Variants in AGBL2 observed in about 807,000 individuals in gnomAD.
The protein encoded by AGBL2 is AGBL carboxypeptidase 2, also known as cytosolic carboxypeptidase 2.
Under a neutral mutation model 103.0 loss-of-function variants are expected in AGBL2, and 87 were observed. The ratio of observed to expected loss-of-function variants is 0.84; its 90% CI spans 0.71 to 1.01. AGBL2 has a LOEUF of 1.01. AGBL2 is among the 50% of genes least tolerant of loss of function. AGBL2 has a pLI of 0.00. For missense variants in AGBL2, 904 were observed against 1,023.5 expected (o/e 0.88, Z 1.59); for synonymous variants, 335 against 356.7 (o/e 0.94, Z 0.69).
At chr11:47,660,438 G>T in intron 18 of AGBL2, 92 bp from the exon 19 acceptor site, 2 of 1,177,224 alleles carry the variant, frequency 1.7e-6, no homozygotes, top group Non-Finnish European at 2.4e-6. Flanking sequence ...ACAAGGAGCT[G>T]GTGAGAAATA....
At position 47,682,049 on chromosome 11, in the gene AGBL2, C is replaced by T. The variant is rs1231775325; in HGVS notation, c.1835G>A (p.Gly612Glu). 6.2e-7 allele frequency: 1 copy of T among 1,614,006 alleles called. No homozygotes were observed. Among genetic ancestry groups the T allele is most frequent in the African/African-American group, 1.3e-5 (1 of 74,926 alleles). Reference sequence around the variant, plus strand: ...CCGCCACATAACAACTCGTCCTGTTCCTTCTTTGCATTTTTGGACCTTAAA... The same window carrying T: ...CCGCCACATAACAACTCGTCCTGTTTCTTCTTTGCATTTTTGGACCTTAAA... ...CNFKVQKCKE[G>E]TGRVVMWRMG... Residue 612 changes from glycine (G) to glutamate (E), a missense_variant, in exon 12 of 19, where the codon GGA becomes GAA. Gly to Glu is a moderately conservative substitution (Grantham distance 98). Transcript: ENST00000525123.
chr11:47,701,878 G>A (rs2097500424), intron 7 of AGBL2, among the ~76,000 whole-genome samples: 1 of 151,628 alleles, frequency 6.6e-6, no homozygotes, highest in Non-Finnish European at 1.5e-5. Context: ...GGAGGCTGTG[G>A]CAGAGAAGCA....
At chr11:47,675,199 CTTTTTTTTTTTTTTT>C (rs34012734) in intron 14 of AGBL2, among the ~76,000 whole-genome samples, 1 of 58,202 alleles carries the variant, frequency 1.7e-5, no homozygotes, top group East Asian at 4.8e-4. Flanking sequence ...TCCCACCAGT[CTTTTTTTTTTTTTTT>C]TTTTTTTTTT....
chr11:47,690,483 C>A lies in AGBL2; in HGVS notation c.1224G>T (p.Leu408=). The A allele has an allele frequency of 6.2e-7, 1 of 1,614,102 alleles. No homozygotes were observed. Among genetic ancestry groups the A allele is most frequent in the Non-Finnish European group, 8.5e-7 (1 of 1,180,022 alleles). Residue 408 remains leucine, a synonymous_variant, in exon 10 of 19, where the codon CTG becomes CTT. Transcript: ENST00000525123. ...ACTGGATAGGGTTGTTTGCCACTGACAGGAGGTAGCATTGCAAATCAGTGT... is the reference window on the plus strand; with the variant it reads ...ACTGGATAGGGTTGTTTGCCACTGAAAGGAGGTAGCATTGCAAATCAGTGT... ...YTYTDLQCYL[L]SVANNPIQSQ... is the part of the protein sequence containing the mutation.
At chr11:47,693,166 T>C (rs549755460) in intron 8 of AGBL2, among the ~76,000 whole-genome samples, 71 of 151,690 alleles carry the variant, frequency 4.7e-4, no homozygotes, top group Admixed American at 2.1e-3. Flanking sequence ...CTCCCTCCCT[T>C]CCTTCCTTCC....
rs769911201 is a variant in AGBL2, at chr11:47,704,587, C to CAT, written c.540_541dup (p.Trp181TyrfsTer39). ...CTTGATGACCTCACATTCAATTGGC[C>CAT]ATCTTGGAGCCTGCAGTGGCCTCTT... On this transcript the variant is annotated frameshift_variant, in exon 7 of 19. Transcript: ENST00000525123. LOFTEE classifies it high-confidence loss of function. The CAT allele has an allele frequency of 6.2e-7, 1 of 1,613,854 alleles. No individual in the cohort carries two copies. The highest frequency in any genetic ancestry group is 2.2e-5 in the East Asian group (1 of 44,876).
chr11:47,694,262 T>C (rs2153804505), intron 8 of AGBL2, among the ~76,000 whole-genome samples: 1 of 150,318 alleles, frequency 6.7e-6, no homozygotes, highest in African/African-American at 2.4e-5. Flanking sequence ...TTTCCTAGTC[T>C]GGGCAGACTG....
chr11:47,672,320 A>AT (rs2097359967), intron 14 of AGBL2, among the ~76,000 whole-genome samples: 2 of 124,470 alleles, frequency 1.6e-5, no homozygotes, highest in African/African-American at 2.6e-5. Flanking sequence ...TGCAGAGCAC[A>AT]CTTTTTTTTT....
Position 47,695,944 on chromosome 11 carries a change from CACTTGAGGCCAGAA to C in AGBL2, c.694+3488_694+3501del, listed in dbSNP as rs1053745299. On this transcript the variant is annotated intron_variant, in intron 8 of 18. Transcript: ENST00000525123. ...CTGTGGGAGGCGGAGGCAGGTGGAT[CACTTGAGGCCAGAA>C]GTTTGAGACCAGCCTGGCCAATATG... Among the ~76,000 whole-genome samples the C allele has an allele frequency of 5.7e-4, 76 of 133,906 alleles. 1 individual carries two copies. Among genetic ancestry groups the C allele is most frequent in the African/African-American group, 2.1e-3 (75 of 35,642 alleles). The allele number at this position is 133,906 out of a possible 152,430, so 87.8% of individuals were successfully genotyped here.
At chr11:47,671,281 G>A (rs577987667) in intron 14 of AGBL2, among the ~76,000 whole-genome samples, 8 of 152,196 alleles carry the variant, frequency 5.3e-5, no homozygotes, top group South Asian at 4.1e-4. Context: ...TTGGGAGGCC[G>A]AGATGGGCAG....
rs530217579 is a variant in AGBL2 at position 47,706,331 on chromosome 11, A to G, written c.233-414T>C. ...GGAGATCGAGACCATCCTGGCTAAC[A>G]TGGTGAAATCCTGTCTCTACTAAAA... is the stretch of plus-strand genomic sequence containing the variant. On this transcript the variant is annotated intron_variant, in intron 4 of 18. Transcript: ENST00000525123. Among the ~76,000 whole-genome samples, 20 of 152,110 alleles carry G rather than the reference A, an allele frequency of 1.3e-4. No homozygotes were observed. The South Asian group carries it at 4.1e-3, about 32-fold the overall frequency.
intron 13 of AGBL2, among the ~76,000 whole-genome samples, chr11:47,679,058 C>CAAAAAAAAAAAAAAAA (rs56307962): frequency 3.5e-5 from 1 of 28,194 alleles, no homozygotes; most frequent in Non-Finnish European, 5.3e-5. Context: ...GACCCTGTCT[C>CAAAAAAAAAAAAAAAA]AAAAAAAAAA....
At chr11:47,684,885 T>C (rs2097417807) in intron 11 of AGBL2, among the ~76,000 whole-genome samples, 1 of 152,106 alleles carries the variant, frequency 6.6e-6, no homozygotes, top group African/African-American at 2.4e-5. Flanking sequence ...CACCACAGGA[T>C]AGGTGATAGA....
chr11:47,682,777 T>C (rs1321786710), intron 11 of AGBL2, among the ~76,000 whole-genome samples: 1 of 152,194 alleles, frequency 6.6e-6, no homozygotes, highest in Non-Finnish European at 1.5e-5. Flanking sequence ...AAAAAGATTT[T>C]GCAGTTGGAA....
intron 13 of AGBL2, among the ~76,000 whole-genome samples, chr11:47,678,343 A>ATTTTATTATTATTTTTTTTTTTTTTT: frequency 8.6e-6 from 1 of 116,872 alleles, no homozygotes; most frequent in Admixed American, 9.1e-5. Flanking sequence ...TTATTATTTT[A>ATTTTATTATTATTTTTTTTTTTTTTT]TTTTTTTTGA....
At chr11:47,667,195 C>T (rs1475481973) in intron 16 of AGBL2, 132 bp from the exon 17 acceptor site, 1 of 661,116 alleles carries the variant, frequency 1.5e-6, no homozygotes, top group African/African-American at 1.8e-5. Context: ...GGGAGTGTGG[C>T]AGCTTGGACA....
At chr11:47,697,376 C>T (rs954670877) in intron 8 of AGBL2, among the ~76,000 whole-genome samples, 1 of 151,408 alleles carries the variant, frequency 6.6e-6, no homozygotes, top group African/African-American at 2.4e-5. Context: ...ATAGCTGTAA[C>T]TACAGGCGCA....
At chr11:47,679,447 GGT>G (rs554636725) in intron 13 of AGBL2, among the ~76,000 whole-genome samples, 14 of 151,854 alleles carry the variant, frequency 9.2e-5, no homozygotes, top group African/African-American at 3.4e-4. Context: ...GTGAGGGAGA[GGT>G]GTTCCAAAGG....
At chr11:47,661,739 C>T (rs573759411) in intron 18 of AGBL2, among the ~76,000 whole-genome samples, 1 of 152,118 alleles carries the variant, frequency 6.6e-6, no homozygotes, top group African/African-American at 2.4e-5. Flanking sequence ...GAAACAACAG[C>T]TTACTAGCTG....
Sources: allele counts gnomAD v4.1 joint callset (sites outside exome capture counted in the v4.1 genomes callset), GRCh38; gene constraint gnomAD v4.1.1; transcripts MANE v1.5; gene names NCBI Gene and HGNC (gene_info 2026-07-23, HGNC 2026-07-21).